The following RERG variants were observed in gnomAD, a reference collection of about 807,000 sequenced individuals.
The protein encoded by RERG is RAS like estrogen regulated growth inhibitor.
Under a neutral mutation model 23.2 loss-of-function variants are expected in RERG, and 25 were observed. That is an observed-to-expected ratio of 1.08 (90% CI 0.79 to 1.50). RERG has a LOEUF of 1.50. Ranked by LOEUF, RERG falls within the 40% of genes most tolerant of loss-of-function variation. The pLI, the probability that RERG is intolerant of heterozygous loss-of-function variation, is 0.00. For missense variants in RERG, 253 were observed against 250.1 expected (o/e 1.01, Z -0.08); for synonymous variants, 81 against 89.1 (o/e 0.91, Z 0.51).
chr12:15,114,446 T>C (rs1350480883), intron 3 of RERG: 1 of 152,100 alleles, frequency 6.6e-6, no homozygotes, highest in Non-Finnish European at 1.5e-5. Context: ...GAAATTCACA[T>C]AGGAGGATGC....
At chr12:15,211,344 G>A (rs1033406188) in intron 2 of RERG, among the ~76,000 whole-genome samples, 19 of 147,594 alleles carry the variant, frequency 1.3e-4, no homozygotes, top group East Asian at 2.0e-4. Flanking sequence ...AATGCTATTC[G>A]GCCTTAAAAA....
chr12:15,202,329 C>A (rs888409394), intron 2 of RERG, among the ~76,000 whole-genome samples: 1 of 151,738 alleles, frequency 6.6e-6, no homozygotes, highest in South Asian at 2.1e-4. Flanking sequence ...AACCTCTTAA[C>A]AAATTTTTAA....
intron 2 of RERG, among the ~76,000 whole-genome samples, chr12:15,195,615 T>C (rs957521388): frequency 2.7e-5 from 4 of 148,608 alleles, no homozygotes; most frequent in Non-Finnish European, 5.9e-5. Context: ...GTGTGTGTTG[T>C]ATTCTGTTGG....
chr12:15,176,380 T>C (rs1395498486), intron 2 of RERG, among the ~76,000 whole-genome samples: 2 of 152,138 alleles, frequency 1.3e-5, no homozygotes, highest in African/African-American at 4.8e-5. Flanking sequence ...GAGGGCTGAA[T>C]CTCCCAAGTA....
chr12:15,159,381 A>G (rs907945098), intron 2 of RERG, among the ~76,000 whole-genome samples: 6 of 152,318 alleles, frequency 3.9e-5, no homozygotes, highest in African/African-American at 1.4e-4. Flanking sequence ...GTTCTCACAT[A>G]AAGATAATTA....
chr12:15,146,561 C>A (rs1259068657), intron 2 of RERG, among the ~76,000 whole-genome samples: 1 of 152,190 alleles, frequency 6.6e-6, no homozygotes, highest in Non-Finnish European at 1.5e-5. Context: ...GAGTAGCTAA[C>A]CTATGCTCTC....
chr12:15,126,153 G>GTATATATATATATA (rs1565510626), intron 2 of RERG, among the ~76,000 whole-genome samples: 2 of 125,056 alleles, frequency 1.6e-5, no homozygotes, highest in Non-Finnish European at 3.3e-5. Flanking sequence ...ATATATATAT[G>GTATATATATATATA]TATTTACACA....
intron 2 of RERG, among the ~76,000 whole-genome samples, chr12:15,198,237 G>A (rs2136139186): frequency 6.6e-6 from 1 of 152,054 alleles, no homozygotes; most frequent in East Asian, 1.9e-4. Context: ...CGCTCTCAAT[G>A]CACCCCTTTC....
intron 2 of RERG, among the ~76,000 whole-genome samples, chr12:15,163,239 T>C (rs1488298092): frequency 6.6e-6 from 1 of 152,018 alleles, no homozygotes; most frequent in Admixed American, 6.6e-5. Context: ...GCTAGAAAAA[T>C]TGGATGACTC....
In RERG at chr12:15,144,120, G is replaced by C. The variant is rs534536371; in HGVS notation, c.62-23001C>G. On this transcript the variant is annotated intron_variant, in intron 2 of 4. Transcript: ENST00000256953. The stretch of plus-strand genomic sequence containing the variant: ...AAGAGGAGTGAAGGATGACTCCAAG[G>C]TTTGTGGGCCAAGAAATTGGAAGAA... Among the ~76,000 whole-genome samples, 3 of 152,202 alleles carry C rather than the reference G, an allele frequency of 2.0e-5. No individual in the cohort carries two copies. The South Asian group carries it at 6.2e-4, about 32-fold the overall frequency.
At chr12:15,170,659 C>T (rs752425185) in intron 2 of RERG, among the ~76,000 whole-genome samples, 1 of 152,134 alleles carries the variant, frequency 6.6e-6, no homozygotes, top group African/African-American at 2.4e-5. Context: ...AAAGGGCAGC[C>T]GAGCTCGAGG....
intron 2 of RERG, among the ~76,000 whole-genome samples, chr12:15,134,348 C>A (rs1864107519): frequency 6.6e-6 from 1 of 151,898 alleles, no homozygotes; most frequent in African/African-American, 2.4e-5. Context: ...CCAGTTGTTC[C>A]AACATCATTT....
At chr12:15,177,109 A>G (rs996607200) in intron 2 of RERG, among the ~76,000 whole-genome samples, 1 of 152,230 alleles carries the variant, frequency 6.6e-6, no homozygotes, top group Non-Finnish European at 1.5e-5. Flanking sequence ...CAACATTCAA[A>G]TAAATTTAAG....
intron 2 of RERG, among the ~76,000 whole-genome samples, chr12:15,126,401 CACAT>C (rs1863943156): frequency 6.6e-6 from 1 of 151,912 alleles, no homozygotes; most frequent in South Asian, 2.1e-4. Context: ...TGTGCTAACA[CACAT>C]ACATAGACAA....
At chr12:15,207,615 C>G (rs1036484045) in intron 2 of RERG, among the ~76,000 whole-genome samples, 3 of 152,056 alleles carry the variant, frequency 2.0e-5, no homozygotes, top group Non-Finnish European at 1.5e-5. Flanking sequence ...CTGGGTACAC[C>G]ACATCTGAAA....
chr12:15,202,234 C>T (rs749543934), intron 2 of RERG, among the ~76,000 whole-genome samples: 15 of 151,744 alleles, frequency 9.9e-5, no homozygotes, highest in Non-Finnish European at 1.9e-4. Context: ...TATCCATCAC[C>T]TTCAAAAGTT....
intron 2 of RERG, among the ~76,000 whole-genome samples, chr12:15,135,881 C>T (rs1040930084): frequency 5.3e-5 from 8 of 151,902 alleles, no homozygotes; most frequent in Admixed American, 5.2e-4. Flanking sequence ...AATACCTTTG[C>T]CTGCTTTTGG....
intron 3 of RERG, among the ~76,000 whole-genome samples, chr12:15,116,370 T>C (rs994531333): frequency 6.6e-6 from 1 of 152,256 alleles, no homozygotes; most frequent in African/African-American, 2.4e-5. Flanking sequence ...AAAAGTTGTC[T>C]GAGAGACAGG....
At chr12:15,174,539 A>G (rs1864820688) in intron 2 of RERG, among the ~76,000 whole-genome samples, 1 of 151,372 alleles carries the variant, frequency 6.6e-6, no homozygotes, top group South Asian at 2.1e-4. Context: ...GTTTTGGGCC[A>G]TAATTTTTTC....
Sources: allele counts gnomAD v4.1 joint callset (sites outside exome capture counted in the v4.1 genomes callset), GRCh38; gene constraint gnomAD v4.1.1; transcripts MANE v1.5; gene names NCBI Gene and HGNC (gene_info 2026-07-23, HGNC 2026-07-21).